Variants in NFATC3 observed in about 807,000 individuals in gnomAD.
NFATC3 encodes nuclear factor of activated T-cells, cytoplasmic 3.
Under a neutral mutation model 98.6 loss-of-function variants are expected in NFATC3, and 46 were observed. That is an observed-to-expected ratio of 0.47 (90% CI 0.37 to 0.60). The LOEUF (loss-of-function observed/expected upper bound fraction) is 0.60, where lower values mean the gene tolerates loss of function less well. Ranked by LOEUF, NFATC3 falls within the 20% of genes least tolerant of loss-of-function variation. The pLI is 0.00. For synonymous variants in NFATC3, 512 were observed against 472.2 expected (o/e 1.08, Z -1.09); for missense variants, 1,256 against 1,295.5 (o/e 0.97, Z 0.47).
At chr16:68,167,659 T>C (rs2039257893) in intron 5 of NFATC3, among the ~76,000 whole-genome samples, 1 of 152,064 alleles carries the variant, frequency 6.6e-6, no homozygotes, top group Non-Finnish European at 1.5e-5. Context: ...TTCCATGTTT[T>C]ATTTGCATAG....
intron 4 of NFATC3, among the ~76,000 whole-genome samples, chr16:68,158,448 C>T (rs571277175): frequency 6.6e-6 from 1 of 152,112 alleles, no homozygotes; most frequent in African/African-American, 2.4e-5. Context: ...TCCCACTTGA[C>T]CCATTTCCAA....
intron 3 of NFATC3, among the ~76,000 whole-genome samples, chr16:68,156,387 T>G (rs2038618744): frequency 6.6e-6 from 1 of 152,056 alleles, no homozygotes; most frequent in South Asian, 2.1e-4. Context: ...AGAAGAAAAC[T>G]GCAAACCGAT....
At chr16:68,134,806 A>G (rs542497663) in intron 3 of NFATC3, among the ~76,000 whole-genome samples, 2 of 152,242 alleles carry the variant, frequency 1.3e-5, no homozygotes, top group East Asian at 3.9e-4. Context: ...ATTCATGAAT[A>G]GGTGTTGAGT....
At chr16:68,120,363 G>A (rs187405790) in intron 1 of NFATC3, among the ~76,000 whole-genome samples, 1 of 151,480 alleles carries the variant, frequency 6.6e-6, no homozygotes, top group African/African-American at 2.4e-5. Context: ...AGATTGCTTG[G>A]GGTCAGGAGT....
intron 8 of NFATC3, among the ~76,000 whole-genome samples, chr16:68,185,817 C>T (rs1419927140): frequency 2.1e-5 from 3 of 146,224 alleles, no homozygotes; most frequent in East Asian, 2.0e-4. Context: ...GAGCCGAGAT[C>T]GCACCACCGC....
chr16:68,161,592 G>A (rs765963937), intron 4 of NFATC3, among the ~76,000 whole-genome samples: 2 of 152,166 alleles, frequency 1.3e-5, no homozygotes, highest in African/African-American at 2.4e-5. Flanking sequence ...TTGCTTTACC[G>A]TACAACACGT....
At chr16:68,197,037 A>G (rs1489592918) in intron 9 of NFATC3, among the ~76,000 whole-genome samples, 2 of 151,976 alleles carry the variant, frequency 1.3e-5, no homozygotes, top group Non-Finnish European at 2.9e-5. Flanking sequence ...TCTCAAGAAA[A>G]TAAATAAATA....
chr16:68,125,094 T>C (rs2036767069), intron 2 of NFATC3, among the ~76,000 whole-genome samples: 1 of 152,246 alleles, frequency 6.6e-6, no homozygotes, highest in Non-Finnish European at 1.5e-5. Flanking sequence ...AATAGAATTA[T>C]GGTAATGAAG....
chr16:68,159,455 G>T (rs922692508), intron 4 of NFATC3, among the ~76,000 whole-genome samples: 1 of 141,784 alleles, frequency 7.1e-6, no homozygotes, highest in Non-Finnish European at 1.5e-5. Context: ...ATGGAGTCTC[G>T]CTCTGTGGCC....
chr16:68,113,638 GGA>G lies in NFATC3; in HGVS notation c.104-8346_104-8345del, dbSNP rs572326461. On this transcript the variant is annotated intron_variant, in intron 1 of 9. Transcript: ENST00000346183. ...GGCTGAGCAGGTTCGGCTGTGCTGGGGAGAATTCCCCTCATCTGGACTGCCAA... is the reference window on the plus strand; with the variant it reads ...GGCTGAGCAGGTTCGGCTGTGCTGGGGAATTCCCCTCATCTGGACTGCCAA... 3.2e-3 allele frequency among the ~76,000 whole-genome samples: 484 copies of G among 152,280 alleles called. 6 individuals are homozygous for G. The highest frequency in any genetic ancestry group is 0.011 in the African/African-American group (453 of 41,548).
At chr16:68,106,483 G>T (rs1164239993) in intron 1 of NFATC3, among the ~76,000 whole-genome samples, 1 of 151,630 alleles carries the variant, frequency 6.6e-6, no homozygotes, top group Non-Finnish European at 1.5e-5. Flanking sequence ...GTAGAGACGG[G>T]GTTTCTCCCT....
chr16:68,189,304 G>A, intron 8 of NFATC3: 1 of 192,774 alleles, frequency 5.2e-6, no homozygotes, highest in South Asian at 1.0e-4. Flanking sequence ...GACTTGGGTA[G>A]AGTGATGTCT....
intron 6 of NFATC3, among the ~76,000 whole-genome samples, chr16:68,177,037 T>TG (rs1260778081): frequency 4.0e-5 from 6 of 151,190 alleles, no homozygotes; most frequent in Non-Finnish European, 5.9e-5. Context: ...CTTTTCTTTT[T>TG]TTTTTTTTTG....
At position 68,191,480 on chromosome 16, in the gene NFATC3, A is replaced by G; in HGVS notation, c.2811A>G (p.Ser937=). Reference sequence around the variant, plus strand: ...CAGCTTCTCATCCCTTGGCTAGTTCACCGCTTTCTGGGCCACCATCTCCTC... The same window carrying G: ...CAGCTTCTCATCCCTTGGCTAGTTCGCCGCTTTCTGGGCCACCATCTCCTC... ...SPAASHPLAS[S]PLSGPPSPQL... is the part of the protein sequence containing the mutation. Residue 937 remains serine, a synonymous_variant, in exon 9 of 10, where the codon TCA becomes TCG. Transcript: ENST00000346183. 1 of 1,613,982 alleles carries G rather than the reference A, an allele frequency of 6.2e-7. No homozygotes were observed.
At position 68,228,600 on chromosome 16, in the gene NFATC3, T is replaced by TA. The variant is rs2042080734; in HGVS notation, c.*2130dup. On this transcript the variant is annotated 3_prime_UTR_variant, in exon 10 of 10. Coordinates refer to ENST00000346183, the MANE Select transcript of NFATC3 (RefSeq NM_173165.3). ...AATTTTAAAATAGAGCTTTGTATAC[T>TA]ATGTAAGCAGTTTTATATCAGCTTT... The TA allele has an allele frequency of 6.5e-6, 1 of 152,684 alleles. No homozygotes were observed. The highest frequency in any genetic ancestry group is 2.4e-5 in the African/African-American group (1 of 41,470). 9.5% of individuals were successfully genotyped at this position (152,684 alleles called of 1,614,324 possible). A position where few individuals can be genotyped will look rare whatever the true frequency, so the allele number is the denominator to read the frequency against.
chr16:68,175,555 C>A (rs1598507742), intron 6 of NFATC3, among the ~76,000 whole-genome samples: 1 of 152,080 alleles, frequency 6.6e-6, no homozygotes, highest in Non-Finnish European at 1.5e-5. Flanking sequence ...ATGTTTAAAA[C>A]TTATGAAAGA....
intron 4 of NFATC3, among the ~76,000 whole-genome samples, chr16:68,158,322 A>G (rs1337271259): frequency 6.6e-6 from 1 of 152,144 alleles, no homozygotes; most frequent in Non-Finnish European, 1.5e-5. Flanking sequence ...CTGTATCTGG[A>G]CTTTCATCAA....
intron 8 of NFATC3, among the ~76,000 whole-genome samples, chr16:68,189,112 A>C (rs989302075): frequency 6.6e-6 from 1 of 152,108 alleles, no homozygotes; most frequent in African/African-American, 2.4e-5. Flanking sequence ...TGTTTTTGAA[A>C]ATTAGTTGAC....
intron 3 of NFATC3, among the ~76,000 whole-genome samples, chr16:68,155,435 A>T (rs2038556625): frequency 6.6e-6 from 1 of 152,212 alleles, no homozygotes; most frequent in Non-Finnish European, 1.5e-5. Flanking sequence ...AGCTGAAGAG[A>T]TGCCCTGAGG....
Sources: gnomAD v4.1 joint callset for allele counts (sites outside exome capture counted in the v4.1 genomes callset) on GRCh38, gnomAD v4.1.1 for gene constraint, MANE v1.5 for transcripts, NCBI Gene and HGNC (gene_info 2026-07-23, HGNC 2026-07-21) for gene names.